Variants in SOS2 observed in about 807,000 individuals in gnomAD.
SOS2 encodes SOS Ras/Rho guanine nucleotide exchange factor 2.
A neutral mutation model predicts 148.2 loss-of-function variants in SOS2; 65 were observed. The ratio of observed to expected loss-of-function variants is 0.44; its 90% CI spans 0.36 to 0.54. The LOEUF is 0.54. Among genes scored for constraint, SOS2 ranks in the 20% least tolerant of loss-of-function variants. SOS2 has a pLI of 0.00. For missense variants in SOS2, 1,341 were observed against 1,590.2 expected (o/e 0.84, Z 2.67); for synonymous variants, 539 against 537.1 (o/e 1.00, Z -0.05).
Position 50,231,276 on chromosome 14 carries a change from T to C in SOS2, c.8A>G (p.Gln3Arg). 2 of 1,462,992 alleles carry C rather than the reference T, an allele frequency of 1.4e-6. No individual in the cohort carries two copies. The highest frequency in any genetic ancestry group is 1.8e-6 in the Non-Finnish European group (2 of 1,091,954). The allele number at this position is 1,462,992 out of a possible 1,614,324, so 90.6% of individuals were successfully genotyped here. The change falls in exon 1 of 23, where the codon CAG (glutamine) becomes CGG (arginine). Residue 3 changes from glutamine to arginine, a missense_variant. Transcript: ENST00000216373. ...GAAGAACTCGTAAGGCTGCGGCGCC[T>C]GCTGCATGGCCCCGGCGACAGCGCC... is the stretch of plus-strand genomic sequence containing the variant. MQ[Q>R]APQPYEFFSE... is the part of the protein sequence containing the mutation.
intron 4 of SOS2, among the ~76,000 whole-genome samples, chr14:50,192,701 T>C (rs1234238993): frequency 6.6e-6 from 1 of 151,060 alleles, no homozygotes; most frequent in African/African-American, 2.4e-5. Flanking sequence ...CTGTCTTTAC[T>C]AAAAATACAA....
intron 14 of SOS2, 99 bp downstream of exon 14, chr14:50,149,909 T>TA (rs1487565674): frequency 1.2e-6 from 1 of 830,874 alleles, no homozygotes; most frequent in Non-Finnish European, 2.0e-6. Flanking sequence ...GTAGATGAGG[T>TA]ATTTTTAAGC....
intron 21 of SOS2, among the ~76,000 whole-genome samples, chr14:50,125,799 A>G (rs1883661952): frequency 6.6e-6 from 1 of 152,194 alleles, no homozygotes; most frequent in African/African-American, 2.4e-5. Context: ...CAATGACCTC[A>G]TTCCCACCTC....
At chr14:50,128,214 A>C (rs1398238174) in intron 21 of SOS2, among the ~76,000 whole-genome samples, 1 of 152,194 alleles carries the variant, frequency 6.6e-6, no homozygotes, top group Non-Finnish European at 1.5e-5. Context: ...CTAGGATGAC[A>C]GCAGGGTCAA....
chr14:50,163,032 G>T (rs1390611105), intron 8 of SOS2, among the ~76,000 whole-genome samples: 1 of 150,894 alleles, frequency 6.6e-6, no homozygotes, highest in African/African-American at 2.4e-5. Context: ...CTCCCAAGTA[G>T]CTAGAACTAC....
chr14:50,150,107 T>A lies in SOS2; in HGVS notation c.2285A>T (p.His762Leu). ...FESPPPPIEW[H>L]ISKPGQFETF... Reference sequence around the variant, plus strand: ...TTCAAACTGTCCTGGTTTGCTGATATGCCATTCAATTGGTGGAGGTGGACT... The same window carrying A: ...TTCAAACTGTCCTGGTTTGCTGATAAGCCATTCAATTGGTGGAGGTGGACT... Residue 762 changes from histidine to leucine, a missense_variant, in exon 14 of 23, where the codon CAT becomes CTT. His to Leu is a moderately conservative substitution (Grantham distance 99). This residue lies in a region of SOS2 where 408 missense variants were observed against 506.6 expected (regional missense o/e 0.81). Coordinates refer to ENST00000216373, the MANE Select transcript of SOS2 (RefSeq NM_006939.4). 1 of 1,613,816 alleles carries A rather than the reference T, an allele frequency of 6.2e-7. No homozygotes were observed. The highest frequency in any genetic ancestry group is 8.5e-7 in the Non-Finnish European group (1 of 1,179,690).
chr14:50,165,107 C>T lies in SOS2; in HGVS notation c.1069-3498G>A, dbSNP rs145517813. Among the ~76,000 whole-genome samples the T allele has an allele frequency of 3.9e-3, 588 of 152,258 alleles. 7 individuals are homozygous for T. Among genetic ancestry groups the T allele is most frequent in the African/African-American group, 0.013 (553 of 41,540 alleles). Reference sequence around the variant, plus strand: ...ATTACTCTCAAATAGTATCATTCTCCTTTACTCCTTTAATATTTCTCATAG... The same window carrying T: ...ATTACTCTCAAATAGTATCATTCTCTTTTACTCCTTTAATATTTCTCATAG... On this transcript the variant is annotated intron_variant, in intron 8 of 22. Coordinates refer to ENST00000216373, the MANE Select transcript of SOS2 (RefSeq NM_006939.4).
At chr14:50,178,674 A>ATG (rs1566839597) in intron 7 of SOS2, among the ~76,000 whole-genome samples, 3 of 4,672 alleles carry the variant, frequency 6.4e-4, no homozygotes, top group African/African-American at 1.3e-3. Flanking sequence ...GTGTGTGCAT[A>ATG]TATATATATA....
chr14:50,138,646 T>C lies in SOS2; in HGVS notation c.2924A>G (p.Gln975Arg). Residue 975 changes from glutamine (Q) to arginine (R), a missense_variant, in exon 18 of 23, where the codon CAG becomes CGG. Gln to Arg is a conservative substitution (Grantham distance 43, BLOSUM62 1). Around this residue, in one of 4 missense-constraint regions of SOS2, gnomAD observed 408 missense variants for 506.6 expected, o/e 0.81. Coordinates refer to ENST00000216373, the MANE Select transcript of SOS2 (RefSeq NM_006939.4). ...TGGTTCTATCCGTAAACAGTAAGGC[T>C]GATTCTGATACTGCTGAATTTCTCC... ...ITGEIQQYQNQPYCLRIEPDM... is the reference protein window; with the variant it reads ...ITGEIQQYQNRPYCLRIEPDM... 6.3e-7 allele frequency: 1 copy of C among 1,583,328 alleles called. No homozygotes were observed. The highest frequency in any genetic ancestry group is 8.6e-7 in the Non-Finnish European group (1 of 1,163,192).
intron 16 of SOS2, 54 bp from the exon 17 acceptor site, chr14:50,140,113 T>C: frequency 1.1e-6 from 1 of 900,964 alleles, no homozygotes; most frequent in Admixed American, 2.3e-5. Flanking sequence ...TCATATTTTA[T>C]AAATGCAAAC....
At chr14:50,161,836 G>A (rs1482884243) in intron 8 of SOS2, among the ~76,000 whole-genome samples, 1 of 136,818 alleles carries the variant, frequency 7.3e-6, no homozygotes, top group Non-Finnish European at 1.5e-5. Context: ...CTGTGGCCTT[G>A]AGCTCCTGGG....
chr14:50,159,601 T>G lies in SOS2; in HGVS notation c.1682A>C (p.Asn561Thr), dbSNP rs537761776. 8 of 1,613,784 alleles carry G rather than the reference T, an allele frequency of 5.0e-6. No individual in the cohort carries two copies. Among genetic ancestry groups the G allele is most frequent in the Non-Finnish European group, 6.8e-6 (8 of 1,179,850 alleles). ...ACTTGGTAATCTCAGTGGTTGCTCA[T>G]TTTCTTCTTTCAATAATACTGAATC... ...MLDSVLLKEE[N>T]EQPLRLPSPE... Residue 561 changes from asparagine to threonine, a missense_variant, in exon 10 of 23, where the codon AAT becomes ACT. Asn to Thr is a moderately conservative substitution (Grantham distance 65). Coordinates refer to ENST00000216373, the MANE Select transcript of SOS2 (RefSeq NM_006939.4).
At chr14:50,148,951 A>G (rs8017865) in intron 14 of SOS2, among the ~76,000 whole-genome samples, 132,453 of 152,208 alleles carry the variant, frequency 0.87, 57,719 homozygotes, top group East Asian at 0.92. Flanking sequence ...GCTGGAGTGC[A>G]GTGGCACAAT....
In SOS2 at chr14:50,127,484, C is replaced by T. The variant is rs1883722047; in HGVS notation, c.3379+2477G>A. On this transcript the variant is annotated intron_variant, in intron 21 of 22. Transcript: ENST00000216373. ...ACAAAGCTCCTTGCCCTCCATCTTC[C>T]TGCTAGCCAGAAAATGGTAACAACT... 2.0e-5 allele frequency among the ~76,000 whole-genome samples: 3 copies of T among 152,118 alleles called. No individual in the cohort carries two copies. In the South Asian group the frequency reaches 6.2e-4, roughly 32 times the overall value.
intron 4 of SOS2, among the ~76,000 whole-genome samples, chr14:50,190,079 C>T (rs1327714983): frequency 6.6e-6 from 1 of 151,924 alleles, no homozygotes; most frequent in Non-Finnish European, 1.5e-5. Flanking sequence ...TCTCGAGCTT[C>T]TGACTTCAAG....
chr14:50,164,019 A>G (rs1006670963), intron 8 of SOS2, among the ~76,000 whole-genome samples: 6 of 152,236 alleles, frequency 3.9e-5, no homozygotes, highest in Non-Finnish European at 7.3e-5. Flanking sequence ...TCTGTTTGGC[A>G]TAATAATCTG....
At chr14:50,209,321 G>GTGTGTGTGTGTGTGTGTGTGTGTC (rs1179515891) in intron 1 of SOS2, among the ~76,000 whole-genome samples, 19 of 141,760 alleles carry the variant, frequency 1.3e-4, no homozygotes, top group Non-Finnish European at 1.7e-4. Context: ...GTGTGTGTGT[G>GTGTGTGTGTGTGTGTGTGTGTGTC]TCTCCTATTG....
In SOS2 at chr14:50,118,794, TGGA is replaced by T. The variant is rs765097073; in HGVS notation, c.3546_3548del (p.Pro1183del). On this transcript the variant is annotated inframe_deletion, in exon 23 of 23. Coordinates refer to ENST00000216373, the MANE Select transcript of SOS2 (RefSeq NM_006939.4). ...GAACAGGAACTCTGGGTTTTACCTT[TGGA>T]GGAGGAGGCTGTCTCGGTGGAATAG... is the stretch of plus-strand genomic sequence containing the variant. 9.0e-6 allele frequency: 14 copies of T among 1,556,496 alleles called. 1 individual carries two copies. In the South Asian group the frequency reaches 1.4e-4, roughly 16 times the overall value.
In SOS2 at chr14:50,227,247, C is replaced by CTT. The variant is rs71118857; in HGVS notation, c.87+3948_87+3949dup. Among the ~76,000 whole-genome samples, 43 of 121,610 alleles carry CTT rather than the reference C, an allele frequency of 3.5e-4. 1 individual carries two copies. Among genetic ancestry groups the CTT allele is most frequent in the African/African-American group, 1.1e-3 (35 of 31,774 alleles). The allele number at this position is 121,610 out of a possible 152,430, so 79.8% of individuals were successfully genotyped here. A position where few individuals can be genotyped will look rare whatever the true frequency, so the allele number is the denominator to read the frequency against. ...TGTGTTTCTTTTTCTTTCTTTCTTT[C>CTT]TTTTTTTTTTTTTTTGAGACAGAGT... On this transcript the variant is annotated intron_variant, in intron 1 of 22. Coordinates refer to ENST00000216373, the MANE Select transcript of SOS2 (RefSeq NM_006939.4).
Sources: gnomAD v4.1 joint callset for allele counts (sites outside exome capture counted in the v4.1 genomes callset) on GRCh38, gnomAD v4.1.1 for gene constraint, gnomAD v4.1.1 regional missense constraint, MANE v1.5 for transcripts, NCBI Gene and HGNC (gene_info 2026-07-23, HGNC 2026-07-21) for gene names.